Variants in LMF1 observed in about 807,000 individuals in gnomAD.
LMF1 encodes the protein lipase maturation factor 1.
LMF1 carries 68 observed loss-of-function variants against 60.6 expected under a neutral mutation model. That is an observed-to-expected ratio of 1.12 (90% CI 0.92 to 1.37). The LOEUF (loss-of-function observed/expected upper bound fraction) is 1.37, where lower values mean the gene tolerates loss of function less well. LMF1 is among the 40% of genes most tolerant of loss of function. The probability of loss-of-function intolerance (pLI) is 0.00; values close to 1 mark genes in which losing one functional copy is unlikely to be tolerated. For missense variants in LMF1, 948 were observed against 767.2 expected (o/e 1.24, Z -2.78); for synonymous variants, 418 against 324.7 (o/e 1.29, Z -3.09).
intron 5 of LMF1, among the ~76,000 whole-genome samples, chr16:889,527 T>C (rs1015307385): frequency 3.3e-5 from 5 of 152,156 alleles, no homozygotes; most frequent in African/African-American, 1.2e-4. Flanking sequence ...TCTTGCTCTG[T>C]GCTGCTGAAA....
chr16:913,667 C>A (rs1413637522), intron 3 of LMF1, among the ~76,000 whole-genome samples: 3 of 152,238 alleles, frequency 2.0e-5, no homozygotes, highest in African/African-American at 7.2e-5. Flanking sequence ...CAGGCCCAGC[C>A]AGCGCTGCAG....
rs377243703 is a variant in LMF1 at position 936,498 on chromosome 16, A to G, written c.504-2244T>C. ...GAGGAAGGTGGCTGGGAGAGAGAGG[A>G]GGCACCCTGTGGGCTCAGGAAGGAG... On this transcript the variant is annotated intron_variant, in intron 2 of 10. Coordinates refer to ENST00000262301, the MANE Select transcript of LMF1 (RefSeq NM_022773.4). Among the ~76,000 whole-genome samples the G allele has an allele frequency of 8.1e-3, 674 of 83,118 alleles. 11 individuals are homozygous for G. Among genetic ancestry groups the G allele is most frequent in the South Asian group, 0.058 (128 of 2,224 alleles). 54.5% of individuals were successfully genotyped at this position (83,118 alleles called of 152,430 possible).
chr16:973,338 C>G (rs528465496), upstream of LMF1, among the ~76,000 whole-genome samples: 2 of 152,310 alleles, frequency 1.3e-5, no homozygotes, highest in South Asian at 4.1e-4. Flanking sequence ...GAGCGAGACT[C>G]TGTCTCACTA....
chr16:859,563 A>T (rs868709031), intron 10 of LMF1, among the ~76,000 whole-genome samples: 2 of 13,342 alleles, frequency 1.5e-4, no homozygotes, highest in Non-Finnish European at 2.4e-4. Flanking sequence ...CAGTGATGTC[A>T]CGGGACGGGT....
At chr16:909,871 G>A (rs912068403) in intron 4 of LMF1, among the ~76,000 whole-genome samples, 2 of 152,276 alleles carry the variant, frequency 1.3e-5, no homozygotes, top group South Asian at 4.1e-4. Context: ...CGAGACGGCG[G>A]CACACTCTGG....
In LMF1 at chr16:897,740, T is replaced by C. The variant is rs1245982517; in HGVS notation, c.664-4668A>G. On this transcript the variant is annotated intron_variant, in intron 4 of 10. Transcript: ENST00000262301. The surrounding 1 kb of genome is among the most constrained non-coding windows in gnomAD (Gnocchi z 4.3). ...CCGTGGGCAGAGGCACTATGGGGTC[T>C]ATCAAGACCCTCTAGTCTCCATATC... Among the ~76,000 whole-genome samples, 1 of 152,180 alleles carries C rather than the reference T, an allele frequency of 6.6e-6. No individual in the cohort carries two copies. The highest frequency in any genetic ancestry group is 1.5e-5 in the Non-Finnish European group (1 of 68,022).
chr16:931,729 A>G, intron 3 of LMF1: 2 of 1,287,206 alleles, frequency 1.6e-6, no homozygotes, highest in Non-Finnish European at 1.0e-6. Flanking sequence ...CAGGGAGAGC[A>G]CTGCCGAAGC....
intron 5 of LMF1, among the ~76,000 whole-genome samples, chr16:883,450 A>G (rs567680679): frequency 5.9e-5 from 9 of 152,382 alleles, no homozygotes; most frequent in African/African-American, 1.9e-4. Flanking sequence ...GTTGGGCAAT[A>G]GCAGATCTCT....
chr16:913,114 G>A (rs1169297413), intron 3 of LMF1, among the ~76,000 whole-genome samples: 1 of 152,244 alleles, frequency 6.6e-6, no homozygotes, highest in African/African-American at 2.4e-5. Context: ...GCTGCCTGCT[G>A]GGCGCCAGCA....
rs2069107622 is a variant in LMF1, at chr16:853,694, G to C, written c.*838C>G. The stretch of plus-strand genomic sequence containing the variant: ...AGTAGAAGAATATGCCATAGCTATG[G>C]CTCAAGAATAGGAATAAGAAAAATG... On this transcript the variant is annotated 3_prime_UTR_variant, in exon 11 of 11. Transcript: ENST00000262301. 1 of 454,114 alleles carries C rather than the reference G, an allele frequency of 2.2e-6. No individual in the cohort carries two copies. Among genetic ancestry groups the C allele is most frequent in the Non-Finnish European group, 4.4e-6 (1 of 226,772 alleles). The allele number at this position is 454,114 out of a possible 1,614,324, so 28.1% of individuals were successfully genotyped here.
chr16:875,120 C>T (rs991095396), intron 6 of LMF1, among the ~76,000 whole-genome samples: 3 of 152,148 alleles, frequency 2.0e-5, no homozygotes, highest in African/African-American at 7.2e-5. Flanking sequence ...GATGACGCAG[C>T]CTGACCTCCG....
At chr16:879,778 C>G (rs928592013) in intron 5 of LMF1, 41 bp from the exon 6 acceptor site, 1 of 1,539,238 alleles carries the variant, frequency 6.5e-7, no homozygotes, top group Admixed American at 2.0e-5. Flanking sequence ...TGGCCGATCT[C>G]GGGGGGCGGG....
chr16:880,599 G>T (rs1057132928), intron 5 of LMF1, among the ~76,000 whole-genome samples: 7 of 152,246 alleles, frequency 4.6e-5, no homozygotes, highest in African/African-American at 7.2e-5. Flanking sequence ...GAACCCAGGA[G>T]GTAGAGGCTG....
chr16:942,245 C>CAA (rs2072118675), intron 2 of LMF1, among the ~76,000 whole-genome samples: 1 of 152,210 alleles, frequency 6.6e-6, no homozygotes, highest in Non-Finnish European at 1.5e-5. Flanking sequence ...ATCCTCTGGC[C>CAA]TCCAGTGGTT....
chr16:859,968 G>A (rs1022372853), intron 10 of LMF1, among the ~76,000 whole-genome samples: 1 of 132,976 alleles, frequency 7.5e-6, no homozygotes, highest in African/African-American at 4.0e-5. Context: ...TGATGGTACC[G>A]GATGGGTGTG....
At chr16:932,496 T>G (rs1341988279) in intron 3 of LMF1, among the ~76,000 whole-genome samples, 2 of 152,238 alleles carry the variant, frequency 1.3e-5, no homozygotes, top group Admixed American at 6.5e-5. Flanking sequence ...CAGCAGGGAC[T>G]TCTCCCGCTA....
Position 870,734 on chromosome 16 carries a change from G to A in LMF1, c.1227C>T (p.Phe409=), listed in dbSNP as rs199695197. Residue 409 remains phenylalanine, a synonymous_variant, in exon 8 of 11, where the codon TTC becomes TTT. Transcript: ENST00000262301. ...SLHIVNTYGA[F]GSITKERAEV... ...CGGGGACCCCAGGCTCATACCTTCC[G>A]AAGGCCCCGTAAGTGTTGACGATGT... is the stretch of plus-strand genomic sequence containing the variant. 2.0e-4 allele frequency: 319 copies of A among 1,612,760 alleles called. No individual in the cohort carries two copies. Among genetic ancestry groups the A allele is most frequent in the East Asian group, 1.2e-3 (53 of 44,870 alleles).
chr16:894,137 C>T (rs372483313), intron 4 of LMF1, among the ~76,000 whole-genome samples: 890 of 4,620 alleles, frequency 0.19, 93 homozygotes, highest in African/African-American at 0.32. Flanking sequence ...TCTGCCCACC[C>T]GTCCCCTGTC....
At chr16:889,117 G>A (rs1400575001) in intron 5 of LMF1, among the ~76,000 whole-genome samples, 3 of 152,210 alleles carry the variant, frequency 2.0e-5, no homozygotes, top group Non-Finnish European at 4.4e-5. Context: ...GTTAGCTGCA[G>A]GGCACCCTGG....
Sources: allele counts gnomAD v4.1 joint callset (sites outside exome capture counted in the v4.1 genomes callset), GRCh38; gene constraint gnomAD v4.1.1; non-coding constraint Gnocchi (gnomAD v3.1); transcripts MANE v1.5; gene names NCBI Gene and HGNC (gene_info 2026-07-23, HGNC 2026-07-21).